Variants in EEF1AKMT4 observed in about 807,000 individuals in gnomAD.
EEF1AKMT4 encodes the protein EEF1A lysine methyltransferase 4, also known as eukaryotic translation elongation factor 1 alpha lysine specific methyltransferase 4.
A neutral mutation model predicts 23.0 loss-of-function variants in EEF1AKMT4; 17 were observed. That is an observed-to-expected ratio of 0.74 (90% CI 0.51 to 1.11). The LOEUF (loss-of-function observed/expected upper bound fraction) is 1.11, where lower values mean the gene tolerates loss of function less well. Among genes scored for constraint, EEF1AKMT4 ranks in the 50% least tolerant of loss-of-function variants. EEF1AKMT4 has a pLI of 0.00. For synonymous variants in EEF1AKMT4, 140 were observed against 141.4 expected, an observed-to-expected ratio of 0.99 and a Z score of 0.07; for missense variants, 318 against 333.4, an observed-to-expected ratio of 0.95 and a Z score of 0.36.
At chr3:184,252,717 C>T (rs977383392) in intron 1 of EEF1AKMT4, among the ~76,000 whole-genome samples, 8 of 152,096 alleles carry the variant, frequency 5.3e-5, no homozygotes, top group African/African-American at 1.2e-4. Context: ...CCGAGGCGGG[C>T]GGGTCACCTG....
intron 1 of EEF1AKMT4, among the ~76,000 whole-genome samples, chr3:184,255,904 C>G (rs1456544186): frequency 6.6e-6 from 1 of 152,220 alleles, no homozygotes; most frequent in Non-Finnish European, 1.5e-5. Context: ...TCTGATGACA[C>G]ATTTGTTCCT....
chr3:184,250,491 G>C (rs2108447027), intron 1 of EEF1AKMT4, among the ~76,000 whole-genome samples: 1 of 152,322 alleles, frequency 6.6e-6, no homozygotes, highest in Non-Finnish European at 1.5e-5. Flanking sequence ...CCCAAAGGGA[G>C]ACGTGCTGGA....
chr3:184,253,882 C>G (rs1028279193), intron 1 of EEF1AKMT4, among the ~76,000 whole-genome samples: 1 of 152,116 alleles, frequency 6.6e-6, no homozygotes, highest in South Asian at 2.1e-4. Context: ...GTTGGCCAGG[C>G]TGGTCTCCAA....
intron 1 of EEF1AKMT4, among the ~76,000 whole-genome samples, chr3:184,251,193 G>A (rs115633907): frequency 0.03 from 4,519 of 151,926 alleles, 225 homozygotes; most frequent in African/African-American, 0.1. Context: ...TCACTTGATC[G>A]CAGGAGCTCA....
intron 1 of EEF1AKMT4, among the ~76,000 whole-genome samples, chr3:184,253,502 T>C (rs1413547629): frequency 6.6e-6 from 1 of 152,168 alleles, no homozygotes; most frequent in African/African-American, 2.4e-5. Flanking sequence ...GTGGGCCTCT[T>C]GAAAACTGGG....
At position 184,249,828 on chromosome 3, in the gene EEF1AKMT4, TCTC is replaced by T. The variant is rs776345863; in HGVS notation, c.140_142del (p.Ser47del). 3.5e-5 allele frequency: 57 copies of T among 1,613,246 alleles called. No individual in the cohort carries two copies. The highest frequency in any genetic ancestry group is 2.0e-4 in the Admixed American group (12 of 60,024). ...GCCCCCTACGATTGGTTCGGGGACT[TCTC>T]CTCCTTCCGTGCCCTCCTAGAGCCG... On this transcript the variant is annotated inframe_deletion, in exon 1 of 3. Coordinates refer to ENST00000324557, the MANE Select transcript of EEF1AKMT4 (RefSeq NM_032331.4).
chr3:184,251,562 G>A (rs1719556471), intron 1 of EEF1AKMT4, among the ~76,000 whole-genome samples: 1 of 152,048 alleles, frequency 6.6e-6, no homozygotes, highest in African/African-American at 2.4e-5. Context: ...ACTTAGCTGG[G>A]CATGGTGGCC....
chr3:184,256,531 C>T (rs1460395512), intron 1 of EEF1AKMT4, among the ~76,000 whole-genome samples: 1 of 151,980 alleles, frequency 6.6e-6, no homozygotes, highest in Non-Finnish European at 1.5e-5. Context: ...CCAGTATTAT[C>T]CCCATTTTGA....
chr3:184,252,458 T>A (rs947394125), intron 1 of EEF1AKMT4, among the ~76,000 whole-genome samples: 3 of 152,170 alleles, frequency 2.0e-5, no homozygotes, highest in Non-Finnish European at 4.4e-5. Flanking sequence ...CCTTTCTAAC[T>A]TACTTAATCC....
rs756465862 is a variant in EEF1AKMT4 at position 184,257,602 on chromosome 3, G to C, written c.326G>C (p.Trp109Ser). The change falls in exon 2 of 3, where the codon TGG becomes TCG. Residue 109 changes from tryptophan to serine, a missense_variant. Trp to Ser is a radical substitution (Grantham distance 177). Coordinates refer to ENST00000324557, the MANE Select transcript of EEF1AKMT4 (RefSeq NM_032331.4). ...CATGCCCATGTGCCGCAGCTGCGCT[G>C]GGAGACCATGGATGTGCGGAAGCTG... ...ARHAHVPQLR[W>S]ETMDVRKLDF... is the part of the protein sequence containing the mutation. 47 of 1,614,040 alleles carry C rather than the reference G, an allele frequency of 2.9e-5. No homozygotes were observed. Among genetic ancestry groups the C allele is most frequent in the Non-Finnish European group, 3.8e-5 (45 of 1,180,058 alleles).
intron 1 of EEF1AKMT4, among the ~76,000 whole-genome samples, chr3:184,254,695 T>C (rs1290939117): frequency 6.6e-6 from 1 of 151,040 alleles, no homozygotes; most frequent in African/African-American, 2.5e-5. Flanking sequence ...AAAAAAAAAC[T>C]TAATTTGGAA....
In EEF1AKMT4 at chr3:184,258,497, A is replaced by AC; in HGVS notation, c.696dup (p.Arg233GlnfsTer15). The AC allele has an allele frequency of 2.5e-6, 4 of 1,612,050 alleles. No individual in the cohort carries two copies. Among genetic ancestry groups the AC allele is most frequent in the Non-Finnish European group, 3.4e-6 (4 of 1,179,312 alleles). Reference sequence around the variant, plus strand: ...TGGCTCTGGGGGCCCAAATCCTCTCACCCCCCAGACCTCCCACCTCACCTT... The same window carrying AC: ...TGGCTCTGGGGGCCCAAATCCTCTCACCCCCCCAGACCTCCCACCTCACCTT... On this transcript the variant is annotated frameshift_variant, in exon 3 of 3. Coordinates refer to ENST00000324557, the MANE Select transcript of EEF1AKMT4 (RefSeq NM_032331.4). LOFTEE classifies it high-confidence loss of function.
At chr3:184,250,145 C>G (rs908248359) in intron 1 of EEF1AKMT4, among the ~76,000 whole-genome samples, 3 of 152,240 alleles carry the variant, frequency 2.0e-5, no homozygotes, top group African/African-American at 7.2e-5. Flanking sequence ...AAGACCCTGT[C>G]CGGACCCTCG....
chr3:184,256,144 C>T (rs1027617309), intron 1 of EEF1AKMT4, among the ~76,000 whole-genome samples: 3 of 151,818 alleles, frequency 2.0e-5, no homozygotes, highest in Non-Finnish European at 4.4e-5. Flanking sequence ...CATGGTGGTG[C>T]GTGCCTGTAG....
intron 1 of EEF1AKMT4, among the ~76,000 whole-genome samples, chr3:184,251,673 GCCTAGGCGACAGAATGAGAC>G (rs1174079880): frequency 6.6e-6 from 1 of 152,154 alleles, no homozygotes; most frequent in African/African-American, 2.4e-5. Context: ...ATGGGCTCCA[GCCTAGGCGACAGAATGAGAC>G]CCTGTCTCAA....
At chr3:184,257,245 A>G (rs1577118418) in intron 1 of EEF1AKMT4, among the ~76,000 whole-genome samples, 1 of 150,102 alleles carries the variant, frequency 6.7e-6, no homozygotes, top group South Asian at 2.1e-4. Context: ...TGTTTCTAGT[A>G]TTTAAACAAC....
At chr3:184,256,521 C>A (rs73185792) in intron 1 of EEF1AKMT4, among the ~76,000 whole-genome samples, 29,441 of 151,828 alleles carry the variant, frequency 0.19, 2,972 homozygotes, top group South Asian at 0.23. Flanking sequence ...CCTAATGATA[C>A]CAGTATTATC....
chr3:184,249,837 TCCG>T lies in EEF1AKMT4; in HGVS notation c.144_146del (p.Arg49del). ...GATTGGTTCGGGGACTTCTCCTCCT[TCCG>T]TGCCCTCCTAGAGCCGGAGCTGCGG... On this transcript the variant is annotated inframe_deletion, in exon 1 of 3. Transcript: ENST00000324557. The T allele has an allele frequency of 6.2e-7, 1 of 1,613,204 alleles. No individual in the cohort carries two copies. Among genetic ancestry groups the T allele is most frequent in the Non-Finnish European group, 8.5e-7 (1 of 1,179,978 alleles).
intron 1 of EEF1AKMT4, among the ~76,000 whole-genome samples, chr3:184,252,003 G>A (rs1719578141): frequency 6.6e-6 from 1 of 152,168 alleles, no homozygotes; most frequent in African/African-American, 2.4e-5. Flanking sequence ...ACACTTTCTT[G>A]AATCTGTGAT....
Sources: allele counts gnomAD v4.1 joint callset (sites outside exome capture counted in the v4.1 genomes callset), GRCh38; gene constraint gnomAD v4.1.1; transcripts MANE v1.5; gene names NCBI Gene and HGNC (gene_info 2026-07-23, HGNC 2026-07-21).